Variants in CACNB2 observed in about 807,000 individuals in gnomAD.
CACNB2 encodes voltage-dependent L-type calcium channel subunit beta-2.
In CACNB2, 42 loss-of-function variants were observed where a neutral mutation model predicts 73.3. The observed-to-expected ratio is 0.57, with a 90% CI of 0.45 to 0.74. CACNB2 has a LOEUF of 0.74. Ranked by LOEUF, CACNB2 falls within the 30% of genes least tolerant of loss-of-function variation. The pLI, the probability that CACNB2 is intolerant of heterozygous loss-of-function variation, is 0.00. For missense variants in CACNB2, 940 were observed against 853.0 expected (o/e 1.10, Z -1.27); for synonymous variants, 348 against 310.3 (o/e 1.12, Z -1.28).
At chr10:18,495,298 C>A (rs2132978638) in intron 3 of CACNB2, among the ~76,000 whole-genome samples, 1 of 151,600 alleles carries the variant, frequency 6.6e-6, no homozygotes, top group African/African-American at 2.4e-5. Flanking sequence ...TTGCTCACTG[C>A]AGCCTCTGCC....
chr10:18,320,395 TC>T (rs760572675), intron 2 of CACNB2, among the ~76,000 whole-genome samples: 6 of 152,192 alleles, frequency 3.9e-5, no homozygotes, highest in South Asian at 2.1e-4. Flanking sequence ...AAATTTTTTT[TC>T]GTTTGGTGAA....
intron 3 of CACNB2, among the ~76,000 whole-genome samples, chr10:18,411,339 A>G (rs1183238999): frequency 6.6e-6 from 1 of 152,172 alleles, no homozygotes; most frequent in Non-Finnish European, 1.5e-5. Context: ...ATGACTGGGT[A>G]GGTAACAATC....
intron 3 of CACNB2, among the ~76,000 whole-genome samples, chr10:18,483,454 C>G (rs1194497037): frequency 6.6e-6 from 1 of 150,824 alleles, no homozygotes; most frequent in Admixed American, 6.6e-5. Flanking sequence ...TCGCTTGAAC[C>G]CGGGAGGCGG....
chr10:18,274,416 G>A (rs1026823325), intron 2 of CACNB2, among the ~76,000 whole-genome samples: 6 of 152,202 alleles, frequency 3.9e-5, no homozygotes, highest in African/African-American at 1.2e-4. Flanking sequence ...CTGAACGCCT[G>A]CCTCTCAAAT....
At chr10:18,525,295 C>T (rs1188625237) in intron 9 of CACNB2, among the ~76,000 whole-genome samples, 1 of 152,012 alleles carries the variant, frequency 6.6e-6, no homozygotes, top group East Asian at 1.9e-4. Context: ...TTCTTTCAAG[C>T]TTTACTGTCA....
At chr10:18,496,100 C>T (rs2049794129) in intron 3 of CACNB2, among the ~76,000 whole-genome samples, 2 of 146,230 alleles carry the variant, frequency 1.4e-5, no homozygotes, top group African/African-American at 2.6e-5. Flanking sequence ...GTAGAAGAAT[C>T]GCTTGAACCT....
chr10:18,442,386 G>T (rs2046454052), intron 3 of CACNB2, among the ~76,000 whole-genome samples: 1 of 151,942 alleles, frequency 6.6e-6, no homozygotes, highest in African/African-American at 2.4e-5. Context: ...CTGACCTCAG[G>T]TGATCCACCC....
At chr10:18,421,764 A>G (rs2045335969) in intron 3 of CACNB2, among the ~76,000 whole-genome samples, 4 of 152,194 alleles carry the variant, frequency 2.6e-5, no homozygotes, top group Admixed American at 6.5e-5. Flanking sequence ...AAACAAACCT[A>G]TATATCCTAA....
intron 2 of CACNB2, among the ~76,000 whole-genome samples, chr10:18,219,597 T>A (rs2035647309): frequency 1.3e-5 from 2 of 152,172 alleles, no homozygotes; most frequent in South Asian, 4.1e-4. Flanking sequence ...GCTCTGTACA[T>A]GACTTGTAGA....
At chr10:18,277,185 G>A (rs1163279664) in intron 2 of CACNB2, among the ~76,000 whole-genome samples, 1 of 152,216 alleles carries the variant, frequency 6.6e-6, no homozygotes, top group African/African-American at 2.4e-5. Context: ...TGAGGAAGTG[G>A]AAGCTATGTG....
At chr10:18,318,404 G>C (rs2040274137) in intron 2 of CACNB2, among the ~76,000 whole-genome samples, 1 of 152,122 alleles carries the variant, frequency 6.6e-6, no homozygotes, top group Non-Finnish European at 1.5e-5. Flanking sequence ...ATTGGTGCTG[G>C]GAAAACTAGC....
Position 18,459,012 on chromosome 10 carries a change from G to A in CACNB2, c.334-39343G>A, listed in dbSNP as rs532164986. 8.7e-4 allele frequency among the ~76,000 whole-genome samples: 133 copies of A among 152,026 alleles called. 1 individual carries two copies. The highest frequency in any genetic ancestry group is 2.7e-3 in the African/African-American group (114 of 41,476). On this transcript the variant is annotated intron_variant, in intron 3 of 13. Transcript: ENST00000324631. ...ACTCCTCACCTCAGGTCATCTCCCCGCCTCGGCCTCCCAAAGTGCTGGGAT... is the reference window on the plus strand; with the variant it reads ...ACTCCTCACCTCAGGTCATCTCCCCACCTCGGCCTCCCAAAGTGCTGGGAT...
chr10:18,361,498 CAA>C (rs201696069), intron 2 of CACNB2, among the ~76,000 whole-genome samples: 9 of 122,696 alleles, frequency 7.3e-5, no homozygotes, highest in Non-Finnish European at 8.4e-5. Context: ...GACTCTATCT[CAA>C]AAAAAAAAAA....
intron 3 of CACNB2, among the ~76,000 whole-genome samples, chr10:18,454,984 G>A (rs1158112599): frequency 6.6e-6 from 1 of 151,254 alleles, no homozygotes; most frequent in Non-Finnish European, 1.5e-5. Context: ...CAAGGCTGCA[G>A]TGAGCTATGA....
intron 2 of CACNB2, among the ~76,000 whole-genome samples, chr10:18,351,359 A>G (rs1239206452): frequency 1.3e-5 from 2 of 152,180 alleles, no homozygotes; most frequent in Non-Finnish European, 2.9e-5. Context: ...TGCTTGGGGA[A>G]ATTGGACTGT....
chr10:18,359,190 T>G (rs11595359), intron 2 of CACNB2, among the ~76,000 whole-genome samples: 4,116 of 152,274 alleles, frequency 0.027, 84 homozygotes, highest in Middle Eastern at 0.044. Context: ...CCGTGTCCAT[T>G]GAGAAGCCTA....
chr10:18,283,765 A>G (rs1432006304), intron 2 of CACNB2, among the ~76,000 whole-genome samples: 1 of 152,122 alleles, frequency 6.6e-6, no homozygotes, highest in African/African-American at 2.4e-5. Flanking sequence ...ATATGTATAC[A>G]TATGTAACTA....
intron 2 of CACNB2, among the ~76,000 whole-genome samples, chr10:18,317,217 C>T (rs745813166): frequency 6.6e-6 from 1 of 151,854 alleles, no homozygotes; most frequent in Non-Finnish European, 1.5e-5. Context: ...TTCATCCTAC[C>T]AAACTTTTCC....
intron 3 of CACNB2, among the ~76,000 whole-genome samples, chr10:18,432,033 G>A (rs905676464): frequency 6.6e-6 from 1 of 152,180 alleles, no homozygotes; most frequent in Non-Finnish European, 1.5e-5. Flanking sequence ...AAAGAGCTGG[G>A]ATTACAGGCA....
Sources: allele counts gnomAD v4.1 joint callset (sites outside exome capture counted in the v4.1 genomes callset), GRCh38; gene constraint gnomAD v4.1.1; transcripts MANE v1.5; gene names NCBI Gene and HGNC (gene_info 2026-07-23, HGNC 2026-07-21).